LPP: variants seen among roughly 807,000 people sequenced by gnomAD.
LPP encodes the protein lipoma-preferred partner.
A neutral mutation model predicts 60.4 loss-of-function variants in LPP; 38 were observed. The ratio of observed to expected loss-of-function variants is 0.63; its 90% CI spans 0.49 to 0.83. The LOEUF (loss-of-function observed/expected upper bound fraction) is 0.83, where lower values mean the gene tolerates loss of function less well. LPP is among the 40% of genes least tolerant of loss of function. LPP has a pLI of 0.00. For missense variants in LPP, 902 were observed against 783.6 expected (o/e 1.15, Z -1.80); for synonymous variants, 328 against 290.8 (o/e 1.13, Z -1.30).
chr3:188,546,174 G>T (rs942428391), intron 6 of LPP, among the ~76,000 whole-genome samples: 4 of 152,040 alleles, frequency 2.6e-5, no homozygotes, highest in Non-Finnish European at 5.9e-5. Flanking sequence ...TAAGTAACTT[G>T]CCTAAGGTCA....
chr3:188,327,192 G>A lies in LPP; in HGVS notation c.-66-14471G>A, dbSNP rs184090963. The stretch of plus-strand genomic sequence containing the variant: ...TCTGCTCTTGAGGTGAGAAAAGCCA[G>A]TACTCCTGGATACTTTCGCTTCTCT... On this transcript the variant is annotated intron_variant, in intron 2 of 11. Coordinates refer to ENST00000617246, the MANE Select transcript of LPP (RefSeq NM_001375462.1). Among the ~76,000 whole-genome samples the A allele has an allele frequency of 2.7e-3, 412 of 152,284 alleles. 4 individuals carry two copies. The highest frequency in any genetic ancestry group is 2.1e-3 in the East Asian group (11 of 5,182).
In LPP at chr3:188,249,898, TATA is replaced by T. The variant is rs1399528934; in HGVS notation, c.-67+24372_-67+24374del. ...CTCCCCCACCCCATATATATATATATATATTTTTTTTTTTTCCAGAAGTATTTC... is the reference window on the plus strand; with the variant it reads ...CTCCCCCACCCCATATATATATATATTTTTTTTTTTTTCCAGAAGTATTTC... On this transcript the variant is annotated intron_variant, in intron 2 of 11. Coordinates refer to ENST00000617246, the MANE Select transcript of LPP (RefSeq NM_001375462.1). Among the ~76,000 whole-genome samples, 199 of 130,374 alleles carry T rather than the reference TATA, an allele frequency of 1.5e-3. 1 individual carries two copies. The highest frequency in any genetic ancestry group is 3.3e-3 in the African/African-American group (97 of 28,964). The allele number at this position is 130,374 out of a possible 152,430, so 85.5% of individuals were successfully genotyped here. A position where few individuals can be genotyped will look rare whatever the true frequency, so the allele number is the denominator to read the frequency against.
At chr3:188,639,553 A>G (rs1477074026) in intron 7 of LPP, among the ~76,000 whole-genome samples, 1 of 150,986 alleles carries the variant, frequency 6.6e-6, no homozygotes, top group African/African-American at 2.4e-5. Context: ...GCACAGCAAA[A>G]GAAACTACCA....
At chr3:188,178,814 T>G in intron 1 of LPP, 1 of 172,324 alleles carries the variant, frequency 5.8e-6, no homozygotes, top group Non-Finnish European at 1.2e-5. Flanking sequence ...AAAGCCAAAT[T>G]GGCGCAGTGG....
chr3:188,338,300 G>A (rs567490946), intron 2 of LPP, among the ~76,000 whole-genome samples: 2 of 152,260 alleles, frequency 1.3e-5, no homozygotes, highest in African/African-American at 4.8e-5. Context: ...ATTGTATGTG[G>A]TATTTGATGA....
At chr3:188,512,450 G>A (rs1337676910) in intron 5 of LPP, among the ~76,000 whole-genome samples, 1 of 148,824 alleles carries the variant, frequency 6.7e-6, no homozygotes, top group Non-Finnish European at 1.5e-5. Context: ...TACTCGGGAG[G>A]CTTAGGCAGG....
intron 4 of LPP, among the ~76,000 whole-genome samples, chr3:188,475,121 A>G (rs1487022431): frequency 6.6e-6 from 1 of 152,220 alleles, no homozygotes; most frequent in Non-Finnish European, 1.5e-5. Flanking sequence ...GGTGTCTCAC[A>G]TTTGTACAGG....
intron 3 of LPP, among the ~76,000 whole-genome samples, chr3:188,368,680 TCTCA>T (rs766991059): frequency 9.5e-4 from 91 of 95,318 alleles, no homozygotes; most frequent in African/African-American, 2.0e-3. Context: ...ACACACACAC[TCTCA>T]CACACACACA....
rs139340711 is a variant in LPP at position 188,879,518 on chromosome 3, G to A, written c.*5039G>A. ...AGATAATAGAGTCTTTCTGTTTCAT[G>A]TTAATGAATTTTCATCAGGGACTGA... is the stretch of plus-strand genomic sequence containing the variant. On this transcript the variant is annotated 3_prime_UTR_variant, in exon 12 of 12. Transcript: ENST00000617246. 435 of 197,546 alleles carry A rather than the reference G, an allele frequency of 2.2e-3. 2 individuals are homozygous for A. The highest frequency in any genetic ancestry group is 9.6e-3 in the African/African-American group (417 of 43,480). 12.2% of individuals were successfully genotyped at this position (197,546 alleles called of 1,614,324 possible). A position where few individuals can be genotyped will look rare whatever the true frequency, so the allele number is the denominator to read the frequency against.
intron 2 of LPP, among the ~76,000 whole-genome samples, chr3:188,279,455 T>C (rs1378737123): frequency 6.6e-6 from 1 of 152,238 alleles, no homozygotes; most frequent in East Asian, 1.9e-4. Context: ...GGTATAGATA[T>C]AACCCATTAG....
At chr3:188,863,157 T>C (rs367915748) in intron 9 of LPP, among the ~76,000 whole-genome samples, 8 of 152,194 alleles carry the variant, frequency 5.3e-5, no homozygotes, top group African/African-American at 1.9e-4. Context: ...AATGTAAACA[T>C]GTATCTTTTT....
chr3:188,614,739 T>C (rs1434481912), intron 7 of LPP, among the ~76,000 whole-genome samples: 1 of 152,202 alleles, frequency 6.6e-6, no homozygotes, highest in Non-Finnish European at 1.5e-5. Context: ...TGGCATGCTT[T>C]GGATGGCAGG....
intron 9 of LPP, among the ~76,000 whole-genome samples, chr3:188,807,967 T>C (rs755006122): frequency 2.6e-5 from 4 of 152,196 alleles, no homozygotes; most frequent in Non-Finnish European, 5.9e-5. Context: ...AAAGATAGGC[T>C]AATATATTTC....
At chr3:188,754,028 A>G (rs977524126) in intron 8 of LPP, among the ~76,000 whole-genome samples, 1 of 152,212 alleles carries the variant, frequency 6.6e-6, no homozygotes, top group African/African-American at 2.4e-5. Flanking sequence ...TACATTATGT[A>G]AAGACAGAGT....
intron 9 of LPP, among the ~76,000 whole-genome samples, chr3:188,780,191 C>T (rs1204715432): frequency 6.6e-6 from 1 of 152,076 alleles, no homozygotes; most frequent in Non-Finnish European, 1.5e-5. Context: ...CAGAACTTCC[C>T]CTTCTTCCAA....
intron 3 of LPP, among the ~76,000 whole-genome samples, chr3:188,362,086 G>A (rs898562406): frequency 7.9e-5 from 12 of 152,148 alleles, no homozygotes; most frequent in Non-Finnish European, 1.6e-4. Flanking sequence ...CTGTGGGCCC[G>A]AAGGAGGGTT....
chr3:188,457,688 C>T (rs1352205801), intron 4 of LPP, among the ~76,000 whole-genome samples: 12 of 149,436 alleles, frequency 8.0e-5, no homozygotes, highest in Admixed American at 2.0e-4. Context: ...GTCAGGAGAT[C>T]GAGATCATCC....
In LPP at chr3:188,881,547, A is replaced by C. The variant is rs28695424; in HGVS notation, c.*7068A>C. On this transcript the variant is annotated 3_prime_UTR_variant, in exon 12 of 12. Transcript: ENST00000617246. ...GGAATCACCCAAAGAGAATTTCCCCAAAAAACCTCAGACCCAGAAGTGTAA... is the reference window on the plus strand; with the variant it reads ...GGAATCACCCAAAGAGAATTTCCCCCAAAAACCTCAGACCCAGAAGTGTAA... The C allele has an allele frequency of 4.6e-6, 1 of 216,334 alleles. No individual in the cohort carries two copies. The highest frequency in any genetic ancestry group is 9.3e-6 in the Non-Finnish European group (1 of 107,290). The allele number at this position is 216,334 out of a possible 1,614,324, so 13.4% of individuals were successfully genotyped here. A position where few individuals can be genotyped will look rare whatever the true frequency, so the allele number is the denominator to read the frequency against.
intron 7 of LPP, among the ~76,000 whole-genome samples, chr3:188,660,265 A>C (rs1854283937): frequency 1.3e-5 from 2 of 152,218 alleles, no homozygotes; most frequent in Non-Finnish European, 2.9e-5. Context: ...TAATTGCAAC[A>C]GCATGATATT....
Sources: allele counts gnomAD v4.1 joint callset (sites outside exome capture counted in the v4.1 genomes callset), GRCh38; gene constraint gnomAD v4.1.1; transcripts MANE v1.5; gene names NCBI Gene and HGNC (gene_info 2026-07-23, HGNC 2026-07-21).